The following SMIM36 variants were observed in gnomAD, a reference collection of about 807,000 sequenced individuals.
The protein encoded by SMIM36 is small integral membrane protein 36.
At chr17:55,477,291 G>T (rs761283600) in intron 3 of SMIM36, 5 of 152,210 alleles carry the variant, frequency 3.3e-5, no homozygotes, top group Non-Finnish European at 7.3e-5. Flanking sequence ...GCAGAGTCAT[G>T]CTTTCTGATA....
intron 1 of SMIM36, among the ~76,000 whole-genome samples, chr17:55,491,273 C>T (rs1000089824): frequency 8.1e-5 from 11 of 135,300 alleles, no homozygotes; most frequent in South Asian, 7.1e-4. Flanking sequence ...AAAAAAAGGG[C>T]GGTCAGAAAA....
chr17:55,458,403 A>G (rs2143233777), intron 4 of SMIM36: 2 of 152,198 alleles, frequency 1.3e-5, no homozygotes, highest in Middle Eastern at 6.8e-3. Flanking sequence ...ATAATAGGAA[A>G]CCGGGGAAGG....
chr17:55,510,596 A>G (rs1598460051), intron 1 of SMIM36, among the ~76,000 whole-genome samples: 1 of 152,186 alleles, frequency 6.6e-6, no homozygotes, highest in African/African-American at 2.4e-5. Flanking sequence ...CTGTCTCTTA[A>G]AGAAAAGAAA....
intron 3 of SMIM36, among the ~76,000 whole-genome samples, chr17:55,475,529 T>G (rs1909412736): frequency 6.6e-6 from 1 of 152,148 alleles, no homozygotes; most frequent in East Asian, 1.9e-4. Context: ...TCCTCCAAAA[T>G]CTCCAAGGCC....
chr17:55,476,369 A>T (rs901260726), intron 3 of SMIM36, among the ~76,000 whole-genome samples: 2 of 151,204 alleles, frequency 1.3e-5, no homozygotes, highest in African/African-American at 4.9e-5. Context: ...GTAATTTTCC[A>T]CTACCTACCC....
intron 1 of SMIM36, among the ~76,000 whole-genome samples, chr17:55,491,924 C>T (rs1434508491): frequency 1.3e-5 from 2 of 152,030 alleles, no homozygotes; most frequent in African/African-American, 4.8e-5. Flanking sequence ...CTTCCGGAGG[C>T]CGAGGTGGGG....
chr17:55,515,887 C>G (rs935443749), upstream of SMIM36, among the ~76,000 whole-genome samples: 1 of 152,208 alleles, frequency 6.6e-6, no homozygotes, highest in Non-Finnish European at 1.5e-5. Flanking sequence ...TGAATAAAAC[C>G]AGATGTGGCT....
chr17:55,488,546 G>C (rs1909647821), intron 1 of SMIM36, among the ~76,000 whole-genome samples: 1 of 152,140 alleles, frequency 6.6e-6, no homozygotes, highest in Non-Finnish European at 1.5e-5. Context: ...ATGCTGTTCA[G>C]AAGTTTGCTT....
At chr17:55,511,829 T>G (rs983502159), upstream of SMIM36, among the ~76,000 whole-genome samples, 3 of 152,352 alleles carry the variant, frequency 2.0e-5, no homozygotes, top group East Asian at 5.8e-4. Flanking sequence ...GTAAATGTGA[T>G]TCTTCAACAA....
At chr17:55,508,189 G>A (rs1368034345) in intron 1 of SMIM36, among the ~76,000 whole-genome samples, 1 of 151,910 alleles carries the variant, frequency 6.6e-6, no homozygotes, top group East Asian at 1.9e-4. Flanking sequence ...TACACTGCCT[G>A]TCTAAATCTG....
intron 4 of SMIM36, among the ~76,000 whole-genome samples, chr17:55,460,449 A>ACC (rs1202438645): frequency 2.7e-5 from 2 of 74,544 alleles, no homozygotes; most frequent in Admixed American, 2.8e-4. Context: ...ACAAAAAACA[A>ACC]AACAAAAAAA....
intron 1 of SMIM36, among the ~76,000 whole-genome samples, chr17:55,489,152 C>T (rs1909658555): frequency 6.6e-6 from 1 of 152,088 alleles, no homozygotes; most frequent in South Asian, 2.1e-4. Flanking sequence ...CCGAGGCAGG[C>T]AAATCACCTG....
chr17:55,486,954 T>C (rs113529942), intron 1 of SMIM36, among the ~76,000 whole-genome samples: 27 of 152,246 alleles, frequency 1.8e-4, no homozygotes, highest in African/African-American at 6.3e-4. Context: ...ATTTGACAAA[T>C]GTGTGTTGAG....
At chr17:55,501,557 C>A (rs1909981519) in intron 1 of SMIM36, among the ~76,000 whole-genome samples, 1 of 112,270 alleles carries the variant, frequency 8.9e-6, no homozygotes, top group South Asian at 2.5e-4. Flanking sequence ...TTATATATAT[C>A]ATTATATACA....
rs1430911336 is a variant in SMIM36, at chr17:55,500,870, ATTATATT to A, written c.*174+10002_*174+10008del. Among the ~76,000 whole-genome samples, 4 of 47,412 alleles carry A rather than the reference ATTATATT, an allele frequency of 8.4e-5. 2 individuals carry two copies. The highest frequency in any genetic ancestry group is 1.1e-4 in the Non-Finnish European group (4 of 35,902). 31.1% of individuals were successfully genotyped at this position (47,412 alleles called of 152,430 possible). Reference sequence around the variant, plus strand: ...ATTATATTATAATATATTATAATATATTATATTTTATAATATATATTATAATATATTA... The same window carrying A: ...ATTATATTATAATATATTATAATATATTATAATATATATTATAATATATTA... On this transcript the variant is annotated intron_variant, in intron 1 of 4. Coordinates refer to ENST00000636752, the Ensembl canonical transcript of SMIM36.
At chr17:55,514,841 A>G (rs769737579), upstream of SMIM36, among the ~76,000 whole-genome samples, 2 of 152,226 alleles carry the variant, frequency 1.3e-5, no homozygotes, top group Admixed American at 6.5e-5. Context: ...ATGAAAATTT[A>G]TCTCTGGTAT....
Position 55,450,742 on chromosome 17 carries a change from C to T in SMIM36, c.*532-444G>A, listed in dbSNP as rs185402906. On this transcript the variant is annotated intron_variant, in intron 4 of 4. Coordinates refer to ENST00000636752, the Ensembl canonical transcript of SMIM36. ...GCTCACAAGCACAAGGCAATACTGG[C>T]AGAGCGTAGACAACAGGTTTAGGCA... is the stretch of plus-strand genomic sequence containing the variant. 1.9e-3 allele frequency among the ~76,000 whole-genome samples: 294 copies of T among 152,286 alleles called. 4 individuals carry two copies. Among genetic ancestry groups the T allele is most frequent in the East Asian group, 3.9e-4 (2 of 5,184 alleles).
intron 3 of SMIM36, among the ~76,000 whole-genome samples, chr17:55,474,293 G>A (rs75400579): frequency 6.6e-6 from 1 of 152,192 alleles, no homozygotes; most frequent in East Asian, 1.9e-4. Flanking sequence ...CAGCCCTTTA[G>A]GTGGCTTAGG....
chr17:55,478,206 G>C (rs1418848443), intron 3 of SMIM36, among the ~76,000 whole-genome samples: 1 of 151,080 alleles, frequency 6.6e-6, no homozygotes, highest in Non-Finnish European at 1.5e-5. Flanking sequence ...CAAAAAAAAA[G>C]TACCTGTTGT....
Sources: allele counts gnomAD v4.1 joint callset (sites outside exome capture counted in the v4.1 genomes callset), GRCh38; gene constraint gnomAD v4.1.1; transcripts MANE v1.5; gene names NCBI Gene and HGNC (gene_info 2026-07-23, HGNC 2026-07-21).